The following KANSL1 variants were observed in gnomAD, a reference collection of about 807,000 sequenced individuals.
KANSL1 encodes the protein MLL1/MLL complex subunit KANSL1.
Under a neutral mutation model 103.6 loss-of-function variants are expected in KANSL1, and 22 were observed. That is an observed-to-expected ratio of 0.21 (90% confidence interval 0.15 to 0.30). KANSL1 has a LOEUF of 0.30. Among genes scored for constraint, KANSL1 ranks in the 10% least tolerant of loss-of-function variants. The pLI is 1.00. For synonymous variants in KANSL1, 600 were observed against 527.6 expected (o/e 1.14, Z -1.88); for missense variants, 1,337 against 1,399.8 (o/e 0.96, Z 0.72).
intron 2 of KANSL1, among the ~76,000 whole-genome samples, chr17:46,096,066 A>G (rs1301917710): frequency 6.6e-6 from 1 of 152,030 alleles, no homozygotes; most frequent in Non-Finnish European, 1.5e-5. Flanking sequence ...TGGAACCACC[A>G]TTTTTGAAAA....
intron 1 of KANSL1, among the ~76,000 whole-genome samples, chr17:46,189,927 T>C (rs891947786): frequency 1.9e-5 from 2 of 104,450 alleles, no homozygotes; most frequent in African/African-American, 3.3e-5. Flanking sequence ...AAAAAAAAAA[T>C]TGCTTGCCTG....
intron 6 of KANSL1, among the ~76,000 whole-genome samples, chr17:46,066,137 C>T (rs2078368070): frequency 6.6e-6 from 1 of 152,192 alleles, no homozygotes; most frequent in African/African-American, 2.4e-5. Context: ...GGATTACAGG[C>T]ATGAGCCACT....
chr17:46,212,003 T>C (rs1397930570), intron 1 of KANSL1, among the ~76,000 whole-genome samples: 2 of 152,188 alleles, frequency 1.3e-5, no homozygotes, highest in Non-Finnish European at 2.9e-5. Context: ...GACAGAACAA[T>C]TGGTTGGACA....
intron 6 of KANSL1, among the ~76,000 whole-genome samples, chr17:46,057,350 TAAA>T (rs890013611): frequency 6.6e-6 from 1 of 150,780 alleles, no homozygotes; most frequent in Non-Finnish European, 1.5e-5. Flanking sequence ...AATTGGTAAA[TAAA>T]AAAAAACAAC....
intron 2 of KANSL1, chr17:46,170,450 A>G (rs189759134): frequency 1.0e-3 from 221 of 210,954 alleles, no homozygotes; most frequent in Admixed American, 2.4e-3. Flanking sequence ...TACAAAGGTA[A>G]CTAGGTCAAC....
intron 6 of KANSL1, among the ~76,000 whole-genome samples, chr17:46,051,535 T>C (rs1568389218): frequency 6.6e-6 from 1 of 152,238 alleles, no homozygotes; most frequent in African/African-American, 2.4e-5. Context: ...TACAATTTTA[T>C]ACTTTGAGCA....
At chr17:46,043,335 G>A (rs569855802) in intron 7 of KANSL1, 12 of 152,070 alleles carry the variant, frequency 7.9e-5, no homozygotes, top group Non-Finnish European at 1.5e-4. Context: ...GGATATGAGA[G>A]ACCTGGTTAT....
intron 1 of KANSL1, among the ~76,000 whole-genome samples, chr17:46,208,549 G>T (rs1158989525): frequency 6.6e-6 from 1 of 151,620 alleles, no homozygotes; most frequent in African/African-American, 2.4e-5. Context: ...GGGTTTAGGG[G>T]GCTGGAGGTT....
chr17:46,062,919 G>A (rs536826712), intron 6 of KANSL1, among the ~76,000 whole-genome samples: 3 of 152,110 alleles, frequency 2.0e-5, no homozygotes, highest in South Asian at 2.1e-4. Flanking sequence ...GCGTGGTGGC[G>A]TATGCCTGTA....
At chr17:46,064,053 T>TAAAAAAAAAAAAAAAAAAAAAA (rs58111244) in intron 6 of KANSL1, among the ~76,000 whole-genome samples, 2 of 105,752 alleles carry the variant, frequency 1.9e-5, no homozygotes, top group African/African-American at 7.0e-5. Flanking sequence ...CGACTATTAG[T>TAAAAAAAAAAAAAAAAAAAAAA]AAAAAAAAAA....
intron 2 of KANSL1, among the ~76,000 whole-genome samples, chr17:46,143,615 T>C (rs1188736156): frequency 1.3e-5 from 2 of 151,968 alleles, no homozygotes; most frequent in Non-Finnish European, 1.5e-5. Context: ...CCATCCTGGT[T>C]AACACGGTGA....
At position 46,119,324 on chromosome 17, in the gene KANSL1, T is replaced by C. The variant is rs1471713097; in HGVS notation, c.1290-24623A>G. Among the ~76,000 whole-genome samples the C allele has an allele frequency of 1.9e-3, 6 of 3,114 alleles. No homozygotes were observed. The Non-Finnish European group carries it at 0.02, about 10-fold the overall frequency. The allele number at this position is 3,114 out of a possible 152,430, so 2.0% of individuals were successfully genotyped here. A position where few individuals can be genotyped will look rare whatever the true frequency, so the allele number is the denominator to read the frequency against. ...TCCAGAGTCCTCAATTTTCTTTTTC[T>C]TTTTTTTTTTTTTGAGATGGGGAGT... On this transcript the variant is annotated intron_variant, in intron 2 of 14. Transcript: ENST00000432791.
intron 1 of KANSL1, among the ~76,000 whole-genome samples, chr17:46,199,180 A>G (rs2047712496): frequency 6.6e-6 from 1 of 152,264 alleles, no homozygotes; most frequent in Non-Finnish European, 1.5e-5. Context: ...AACAGAAAGA[A>G]GCCAGTTAAG....
chr17:46,158,867 C>T (rs2045579938), intron 2 of KANSL1, among the ~76,000 whole-genome samples: 1 of 152,202 alleles, frequency 6.6e-6, no homozygotes, highest in Non-Finnish European at 1.5e-5. Context: ...AAGCATAACA[C>T]TCCAGCAATA....
At chr17:46,194,729 C>T (rs1231995743), upstream of KANSL1, among the ~76,000 whole-genome samples, 3 of 152,216 alleles carry the variant, frequency 2.0e-5, no homozygotes, top group Non-Finnish European at 2.9e-5. Context: ...AAAAGGAAGA[C>T]GCAAAATGCT....
intron 2 of KANSL1, among the ~76,000 whole-genome samples, chr17:46,104,979 C>T (rs1245368483): frequency 6.6e-6 from 1 of 152,122 alleles, no homozygotes; most frequent in African/African-American, 2.4e-5. Flanking sequence ...CCACGCCTCG[C>T]TAATTTTTTG....
At chr17:46,096,380 C>T (rs549806718) in intron 2 of KANSL1, among the ~76,000 whole-genome samples, 50 of 137,986 alleles carry the variant, frequency 3.6e-4, no homozygotes, top group Admixed American at 1.6e-3. Context: ...AGTGCAATGG[C>T]GCAATCTTGG....
chr17:46,062,312 T>C (rs966752535), intron 6 of KANSL1, among the ~76,000 whole-genome samples: 6 of 151,580 alleles, frequency 4.0e-5, no homozygotes, highest in African/African-American at 7.3e-5. Context: ...GAACACTTTG[T>C]TTTAGTCATT....
Position 46,081,039 on chromosome 17 carries a change from A to G in KANSL1, c.1533+1402T>C, listed in dbSNP as rs539477397. Among the ~76,000 whole-genome samples, 7 of 152,082 alleles carry G rather than the reference A, an allele frequency of 4.6e-5. No individual in the cohort carries two copies. In the South Asian group the frequency reaches 1.5e-3, roughly 32 times the overall value. On this transcript the variant is annotated intron_variant, in intron 4 of 14. Coordinates refer to ENST00000432791, the MANE Select transcript of KANSL1 (RefSeq NM_015443.4). ...AGGGTAGGGAAAGGACCAAGCTCCT[A>G]AAGAGTGTGTGTGTACAAGTGAATC...
Sources: allele counts gnomAD v4.1 joint callset (sites outside exome capture counted in the v4.1 genomes callset), GRCh38; gene constraint gnomAD v4.1.1; transcripts MANE v1.5; gene names NCBI Gene and HGNC (gene_info 2026-07-23, HGNC 2026-07-21).